Variants in ZFHX3 observed in about 807,000 individuals in gnomAD.
ZFHX3 encodes zinc finger homeobox 3.
A neutral mutation model predicts 279.1 loss-of-function variants in ZFHX3; 42 were observed. The ratio of observed to expected loss-of-function variants is 0.15; its 90% CI spans 0.12 to 0.19. The LOEUF (loss-of-function observed/expected upper bound fraction) is 0.19, where lower values mean the gene tolerates loss of function less well. Ranked by LOEUF, ZFHX3 falls within the 10% of genes least tolerant of loss-of-function variation. ZFHX3 has a pLI of 1.00. For missense variants in ZFHX3, 4,981 were observed against 4,754.0 expected, an observed-to-expected ratio of 1.05 and a Z score of -1.40; for synonymous variants, 2,293 against 1,957.8, an observed-to-expected ratio of 1.17 and a Z score of -4.52.
At position 72,898,702 on chromosome 16, in the gene ZFHX3, G is replaced by C. The variant is rs77021090; in HGVS notation, c.3217-8740C>G. Among the ~76,000 whole-genome samples, 311 of 148,440 alleles carry C rather than the reference G, an allele frequency of 2.1e-3. 3 individuals carry two copies. Among genetic ancestry groups the C allele is most frequent in the African/African-American group, 7.3e-3 (289 of 39,624 alleles). ...TATACATGGGGAGGAAATTTATCAGGCATGCATTTTTACCATTATGGGAGC... is the reference window on the plus strand; with the variant it reads ...TATACATGGGGAGGAAATTTATCAGCCATGCATTTTTACCATTATGGGAGC... On this transcript the variant is annotated intron_variant, in intron 3 of 9. Transcript: ENST00000268489.
At chr16:72,892,722 G>A (rs1432201810) in intron 3 of ZFHX3, among the ~76,000 whole-genome samples, 1 of 152,114 alleles carries the variant, frequency 6.6e-6, no homozygotes. Context: ...TGGCCAGGCT[G>A]GTCTCGAACT....
chr16:73,819,921 A>G (rs1184233354), intron 1 of ZFHX3, among the ~76,000 whole-genome samples: 1 of 152,030 alleles, frequency 6.6e-6, no homozygotes, highest in Non-Finnish European at 1.5e-5. Context: ...GGCAGATCTT[A>G]TTTTCCAAAG....
chr16:72,890,863 A>G (rs1376512858), intron 3 of ZFHX3, among the ~76,000 whole-genome samples: 1 of 152,236 alleles, frequency 6.6e-6, no homozygotes, highest in African/African-American at 2.4e-5. Context: ...TCAGAGTTGA[A>G]CAGTTATGAC....
At chr16:73,630,447 C>T (rs1247895940) in intron 2 of ZFHX3, among the ~76,000 whole-genome samples, 1 of 152,174 alleles carries the variant, frequency 6.6e-6, no homozygotes, top group Non-Finnish European at 1.5e-5. Flanking sequence ...TATGGAGCAG[C>T]TTAAGACAAT....
intron 4 of ZFHX3, among the ~76,000 whole-genome samples, chr16:72,843,640 C>A (rs2037405362): frequency 6.7e-6 from 1 of 149,732 alleles, no homozygotes; most frequent in African/African-American, 2.5e-5. Context: ...CACAGTCAAA[C>A]AAGACAGAAG....
upstream of ZFHX3, among the ~76,000 whole-genome samples, chr16:73,052,650 T>G (rs1242343908): frequency 6.6e-6 from 1 of 152,164 alleles, no homozygotes; most frequent in Non-Finnish European, 1.5e-5. Context: ...ACGTGCTTCA[T>G]GCTGTTTCGT....
intron 1 of ZFHX3, among the ~76,000 whole-genome samples, chr16:73,754,542 G>GCT (rs1456833006): frequency 6.6e-6 from 1 of 151,864 alleles, no homozygotes; most frequent in South Asian, 2.1e-4. Flanking sequence ...GCTGCCACAT[G>GCT]CTCTCCTCTG....
Position 73,583,308 on chromosome 16 carries a change from C to G in ZFHX3, c.-1547+96872G>C, listed in dbSNP as rs760015809. Among the ~76,000 whole-genome samples the G allele has an allele frequency of 1.3e-4, 20 of 152,148 alleles. No individual in the cohort carries two copies. The South Asian group carries it at 2.7e-3, about 20-fold the overall frequency. ...AAATAAAAGTTTTTAAAATCCACAA[C>G]TAATCTTAAAAAAGAAGAAACCTGT... On this transcript the variant is annotated intron_variant, in intron 2 of 17. Coordinates refer to the ZFHX3 transcript ENST00000641206.
chr16:73,881,485 C>G lies in ZFHX3; in HGVS notation c.-1608+10166G>C, dbSNP rs1276959972. Reference sequence around the variant, plus strand: ...CTCTCTCTCTCTCTCTCTCTGCCCCCCCCCCCCACTCTGCCCATGGTTACT... The same window carrying G: ...CTCTCTCTCTCTCTCTCTCTGCCCCGCCCCCCCACTCTGCCCATGGTTACT... On this transcript the variant is annotated intron_variant, in intron 1 of 17. Coordinates refer to the ZFHX3 transcript ENST00000641206. Among the ~76,000 whole-genome samples, 5 of 78,384 alleles carry G rather than the reference C, an allele frequency of 6.4e-5. 1 individual carries two copies. Among genetic ancestry groups the G allele is most frequent in the Non-Finnish European group, 1.8e-4 (5 of 28,522 alleles). The allele number at this position is 78,384 out of a possible 152,430, so 51.4% of individuals were successfully genotyped here.
At chr16:73,264,781 T>A (rs892558817) in intron 4 of ZFHX3, among the ~76,000 whole-genome samples, 2 of 152,202 alleles carry the variant, frequency 1.3e-5, no homozygotes, top group South Asian at 4.1e-4. Flanking sequence ...ATCATTCTTA[T>A]GCCTTTGCAT....
intron 7 of ZFHX3, chr16:72,807,200 T>A (rs949470723): frequency 1.3e-5 from 2 of 152,126 alleles, no homozygotes; most frequent in Admixed American, 6.5e-5. Context: ...TAGGTGAGAG[T>A]TCTTATGTGT....
chr16:72,958,341 G>A lies in ZFHX3; in HGVS notation c.1805C>T (p.Ala602Val), dbSNP rs964926619. The A allele has an allele frequency of 1.2e-6, 2 of 1,613,956 alleles. No homozygotes were observed. The highest frequency in any genetic ancestry group is 2.7e-5 in the African/African-American group (2 of 74,918). ...DESANKDNAT[A>V]PEPNESTEGD... is the part of the protein sequence containing the mutation. ...CTCTGTGCTTTCATTTGGTTCTGGTGCTGTGGCATTGTCTTTATTGGCACT... is the reference window on the plus strand; with the variant it reads ...CTCTGTGCTTTCATTTGGTTCTGGTACTGTGGCATTGTCTTTATTGGCACT... Residue 602 changes from alanine to valine, a missense_variant, in exon 2 of 10, where the codon GCA (alanine) becomes GTA (valine). Around this residue, in one of 7 missense-constraint regions of ZFHX3, gnomAD observed 1,068 missense variants for 935.2 expected, o/e 1.14. Coordinates refer to ENST00000268489, the MANE Select transcript of ZFHX3 (RefSeq NM_006885.4).
At chr16:73,632,684 C>CAAA (rs61449751) in intron 2 of ZFHX3, among the ~76,000 whole-genome samples, 1,109 of 107,328 alleles carry the variant, frequency 0.01, 15 homozygotes, top group African/African-American at 0.033. Context: ...GACTCTGTCT[C>CAAA]AAAAAAAAAA....
At chr16:73,703,535 G>A (rs1212734400) in intron 1 of ZFHX3, among the ~76,000 whole-genome samples, 4 of 152,022 alleles carry the variant, frequency 2.6e-5, no homozygotes, top group African/African-American at 9.7e-5. Context: ...TTTATAGGAT[G>A]AAGGTCTATA....
At chr16:73,849,524 A>C (rs1049298843) in intron 1 of ZFHX3, among the ~76,000 whole-genome samples, 3 of 152,216 alleles carry the variant, frequency 2.0e-5, no homozygotes, top group Non-Finnish European at 2.9e-5. Flanking sequence ...AATTTTAAAG[A>C]GATAACAGGG....
At chr16:73,287,706 G>A (rs1218164173) in intron 4 of ZFHX3, among the ~76,000 whole-genome samples, 5 of 147,536 alleles carry the variant, frequency 3.4e-5, no homozygotes, top group South Asian at 2.2e-4. Flanking sequence ...GTGGCTGTGT[G>A]GGTCAGTGTG....
At chr16:72,896,844 A>G (rs777290849) in intron 3 of ZFHX3, among the ~76,000 whole-genome samples, 1 of 152,234 alleles carries the variant, frequency 6.6e-6, no homozygotes, top group African/African-American at 2.4e-5. Flanking sequence ...TTTAAAGTAG[A>G]AACAGACAAA....
chr16:73,723,207 G>T (rs2053491178), intron 1 of ZFHX3, among the ~76,000 whole-genome samples: 1 of 152,118 alleles, frequency 6.6e-6, no homozygotes, highest in South Asian at 2.1e-4. Context: ...AATGGCTAAG[G>T]CTAGGAATAC....
intron 1 of ZFHX3, among the ~76,000 whole-genome samples, chr16:72,989,114 G>A (rs11075957): frequency 0.53 from 78,948 of 149,980 alleles, 20,877 homozygotes; most frequent in East Asian, 0.61. Context: ...TTGAGGCTGC[G>A]GTGAGCCAAG....
Sources: allele counts gnomAD v4.1 joint callset (sites outside exome capture counted in the v4.1 genomes callset), GRCh38; gene constraint gnomAD v4.1.1; regional missense constraint gnomAD v4.1.1; transcripts MANE v1.5; gene names NCBI Gene and HGNC (gene_info 2026-07-23, HGNC 2026-07-21).